CPLANE1: variants seen among roughly 807,000 people sequenced by gnomAD.
The protein encoded by CPLANE1 is ciliogenesis and planar polarity effector 1.
A neutral mutation model predicts 362.5 loss-of-function variants in CPLANE1; 263 were observed. That is an observed-to-expected ratio of 0.73 (90% CI 0.66 to 0.80). CPLANE1 has a LOEUF of 0.80. Ranked by LOEUF, CPLANE1 falls within the 30% of genes least tolerant of loss-of-function variation. The pLI is 0.00. For synonymous variants in CPLANE1, 1,212 were observed against 1,302.6 expected, an observed-to-expected ratio of 0.93 and a Z score of 1.50; for missense variants, 3,461 against 3,793.4, an observed-to-expected ratio of 0.91 and a Z score of 2.30.
chr5:37,093,985 C>T, the CPLANE1 span, among the ~76,000 whole-genome samples: 30 of 138,502 alleles, frequency 2.2e-4, no homozygotes, highest in Middle Eastern at 3.2e-3. Flanking sequence ...TGATCATTTG[C>T]GGGCAGGATA....
At position 37,209,834 on chromosome 5, in the gene CPLANE1, TA is replaced by T; in HGVS notation, c.2921-3410del. The stretch of plus-strand genomic sequence containing the variant: ...AATATCATCAAGCTAAAGAAAGTTG[TA>T]ATATGGAAACTCAGACAAGTTCGAC... On this transcript the variant is annotated intron_variant, in intron 16 of 52. Transcript: ENST00000651892. The surrounding 1 kb of genome is among the most constrained non-coding windows in gnomAD (Gnocchi z 4.6). The T allele has an allele frequency of 7.4e-7, 1 of 1,349,882 alleles. No individual in the cohort carries two copies. The highest frequency in any genetic ancestry group is 1.1e-6 in the Non-Finnish European group (1 of 941,530). The allele number at this position is 1,349,882 out of a possible 1,614,324, so 83.6% of individuals were successfully genotyped here.
At chr5:37,196,411 C>A (rs1787455333) in intron 20 of CPLANE1, among the ~76,000 whole-genome samples, 1 of 151,932 alleles carries the variant, frequency 6.6e-6, no homozygotes, top group South Asian at 2.1e-4. Flanking sequence ...CTATAAATGG[C>A]AGAATTAGAA....
In CPLANE1 at chr5:37,221,333, C is replaced by G; in HGVS notation, c.2737G>C (p.Asp913His). 2.0e-6 allele frequency: 3 copies of G among 1,489,960 alleles called. No homozygotes were observed. The highest frequency in any genetic ancestry group is 2.7e-6 in the Non-Finnish European group (3 of 1,124,798). The allele number at this position is 1,489,960 out of a possible 1,614,324, so 92.3% of individuals were successfully genotyped here. ...AAAAAAAAAAGCATACCTGAAAAAT[C>G]TTTATTTTCTTTTACAGGTAGTTGG... ...WSQLPVKENK[D>H]FSGAAKSHFE... Residue 913 changes from aspartate (D) to histidine (H), a missense_variant, in exon 15 of 53, where the codon GAT (aspartate) becomes CAT (histidine). Coordinates refer to ENST00000651892, the MANE Select transcript of CPLANE1 (RefSeq NM_001384732.1).
rs762363860 is a variant in CPLANE1 at position 37,139,296 on chromosome 5, C to T, written c.8663+44G>A. 5 of 1,388,662 alleles carry T rather than the reference C, an allele frequency of 3.6e-6. No individual in the cohort carries two copies. In the African/African-American group the frequency reaches 7.5e-5, roughly 21 times the overall value. 86.0% of individuals were successfully genotyped at this position (1,388,662 alleles called of 1,614,324 possible). On this transcript the variant is annotated intron_variant, in intron 45 of 52. Transcript: ENST00000651892. The stretch of plus-strand genomic sequence containing the variant: ...ATGAACAAAATTTTCACTATCTACA[C>T]CCAACTTTAAAGAAAATTGTGAATT...
Position 37,138,859 on chromosome 5 carries a change from A to C in CPLANE1, c.8664-11T>G. On this transcript the variant is annotated splice_polypyrimidine_tract_variant and intron_variant, in intron 45 of 52. Transcript: ENST00000651892. ...GGATGTACTGAAACACTTCATTTGC[A>C]AATGTAATTTAAGAAATATAAATCA... 6.3e-7 allele frequency: 1 copy of C among 1,593,640 alleles called. No homozygotes were observed. Among genetic ancestry groups the C allele is most frequent in the Non-Finnish European group, 8.5e-7 (1 of 1,174,554 alleles).
chr5:37,244,798 A>G (rs1444897964), intron 4 of CPLANE1, among the ~76,000 whole-genome samples, 191 bp from the exon 5 acceptor site: 1 of 152,046 alleles, frequency 6.6e-6, no homozygotes, highest in African/African-American at 2.4e-5. Context: ...GCACTTTGGG[A>G]GGCTTAAGGA....
rs1224111398 is a variant in CPLANE1, at chr5:37,169,643, C to T, written c.6463-82G>A. The T allele has an allele frequency of 7.3e-6, 9 of 1,227,712 alleles. No individual in the cohort carries two copies. The East Asian group carries it at 2.2e-4, about 30-fold the overall frequency. 76.1% of individuals were successfully genotyped at this position (1,227,712 alleles called of 1,614,324 possible). On this transcript the variant is annotated intron_variant, in intron 33 of 52. Transcript: ENST00000651892. ...TGTAAATGGCATTCAGTATGTTTTG[C>T]AGTGGGTAGAATGTAGTAACTGCTA...
At chr5:37,215,675 C>A (rs1793847755) in intron 15 of CPLANE1, among the ~76,000 whole-genome samples, 1 of 151,160 alleles carries the variant, frequency 6.6e-6, no homozygotes. Context: ...ACAAAATGAC[C>A]CAGGCACGAC....
chr5:37,096,966 A>G, the CPLANE1 span, among the ~76,000 whole-genome samples: 1 of 152,200 alleles, frequency 6.6e-6, no homozygotes, highest in Non-Finnish European at 1.5e-5. Context: ...GTGGGAATAT[A>G]AACTAGTACA....
At chr5:37,166,904 TC>T (rs1778388672) in intron 35 of CPLANE1, 142 bp downstream of exon 35, 2 of 628,306 alleles carry the variant, frequency 3.2e-6, no homozygotes, top group South Asian at 4.5e-5. Context: ...TAAAATGTTT[TC>T]AGATGCATGA....
Position 37,125,320 on chromosome 5 carries a change from C to G in CPLANE1, c.8882G>C (p.Arg2961Thr). The G allele has an allele frequency of 6.2e-7, 1 of 1,613,938 alleles. No individual in the cohort carries two copies. Among genetic ancestry groups the G allele is most frequent in the Non-Finnish European group, 8.5e-7 (1 of 1,179,934 alleles). The part of the protein sequence containing the change: ...QAWMKRKRKE[R>T]MAKYLNELAE... ...CAGCTCATTTAAGTACTTTGCCATTCTTTCTTTTCGTTTTCTTTTCATCCA... is the reference window on the plus strand; with the variant it reads ...CAGCTCATTTAAGTACTTTGCCATTGTTTCTTTTCGTTTTCTTTTCATCCA... Residue 2961 changes from arginine to threonine, a missense_variant, in exon 47 of 53, where the codon AGA becomes ACA. This residue lies in a region of CPLANE1 where 3,380 missense variants were observed against 3,666.1 expected (regional missense o/e 0.92). Coordinates refer to ENST00000651892, the MANE Select transcript of CPLANE1 (RefSeq NM_001384732.1).
chr5:37,115,189 A>T (rs907120748), intron 50 of CPLANE1, 140 bp from the exon 51 acceptor site: 14 of 621,336 alleles, frequency 2.3e-5, no homozygotes, highest in Middle Eastern at 3.7e-4. Context: ...GGGGCCCAGT[A>T]AATGGTGGCT....
At chr5:37,210,229 T>G (rs1446589345) in intron 16 of CPLANE1, 1 of 1,601,964 alleles carries the variant, frequency 6.2e-7, no homozygotes, top group East Asian at 2.2e-5. Flanking sequence ...AGGCAACTTT[T>G]ACTAAAAGAT....
rs180818865 is a variant in CPLANE1, at chr5:37,229,091, G to A, written c.1122-1274C>T. Among the ~76,000 whole-genome samples the A allele has an allele frequency of 7.5e-4, 114 of 151,506 alleles. 1 individual carries two copies. The East Asian group carries it at 8.4e-3, about 11-fold the overall frequency. On this transcript the variant is annotated intron_variant, in intron 9 of 52. Transcript: ENST00000651892. ...AAAAATTATCTGGGCGTGGTGGCGC[G>A]CGCCTGCAATTCCAGCTACTCAGGA...
At chr5:37,139,284 T>G (rs754173276) in intron 45 of CPLANE1, 56 bp downstream of exon 45, 5 of 1,373,500 alleles carry the variant, frequency 3.6e-6, no homozygotes, top group Non-Finnish European at 3.9e-6. Flanking sequence ...AACAAAATTT[T>G]CACTATCTAC....
At chr5:37,240,997 G>A (rs887604243) in intron 6 of CPLANE1, among the ~76,000 whole-genome samples, 13 of 151,638 alleles carry the variant, frequency 8.6e-5, no homozygotes, top group South Asian at 2.1e-4. Flanking sequence ...TTAGCCAGCC[G>A]TGGGGGTGCG....
chr5:37,135,537 A>C (rs1767430883), intron 46 of CPLANE1, among the ~76,000 whole-genome samples: 1 of 152,112 alleles, frequency 6.6e-6, no homozygotes, highest in Non-Finnish European at 1.5e-5. Context: ...GAAGTCCCTT[A>C]TAAAACCATC....
At chr5:37,140,012 T>G in intron 44 of CPLANE1, 1 of 947,886 alleles carries the variant, frequency 1.1e-6, no homozygotes. Flanking sequence ...AAGTAATATA[T>G]TTTAGAAAAT....
intron 15 of CPLANE1, among the ~76,000 whole-genome samples, chr5:37,218,783 AC>A (rs1794715347): frequency 6.6e-6 from 1 of 151,870 alleles, no homozygotes; most frequent in Non-Finnish European, 1.5e-5. Flanking sequence ...CCCCGTCTCT[AC>A]TAAAAATACA....
Sources: allele counts gnomAD v4.1 joint callset (sites outside exome capture counted in the v4.1 genomes callset), GRCh38; gene constraint gnomAD v4.1.1; regional missense constraint gnomAD v4.1.1; non-coding constraint Gnocchi (gnomAD v3.1); transcripts MANE v1.5; gene names NCBI Gene and HGNC (gene_info 2026-07-23, HGNC 2026-07-21).